The following PTPRT variants were observed in gnomAD, a reference collection of about 807,000 sequenced individuals.
PTPRT encodes the protein receptor-type tyrosine-protein phosphatase T.
Under a neutral mutation model 176.8 loss-of-function variants are expected in PTPRT, and 56 were observed. The observed-to-expected ratio is 0.32, with a 90% confidence interval of 0.26 to 0.40. The LOEUF (loss-of-function observed/expected upper bound fraction) is 0.40, where lower values mean the gene tolerates loss of function less well. Among genes scored for constraint, PTPRT ranks in the 10% least tolerant of loss-of-function variants. The pLI, the probability that PTPRT is intolerant of heterozygous loss-of-function variation, is 1.00. For missense variants in PTPRT, 1,540 were observed against 1,908.2 expected (o/e 0.81, Z 3.60); for synonymous variants, 783 against 739.0 (o/e 1.06, Z -0.96).
intron 1 of PTPRT, among the ~76,000 whole-genome samples, chr20:42,961,717 T>C (rs1031444175): frequency 6.6e-6 from 1 of 152,102 alleles, no homozygotes; most frequent in Non-Finnish European, 1.5e-5. Flanking sequence ...TAAAAATAAG[T>C]GTCCACATTC....
intron 2 of PTPRT, among the ~76,000 whole-genome samples, chr20:42,809,019 G>A (rs1400368847): frequency 6.6e-6 from 1 of 152,184 alleles, no homozygotes; most frequent in Non-Finnish European, 1.5e-5. Flanking sequence ...GGGAAACGTG[G>A]CTTCTGGGCT....
At chr20:42,600,860 C>T (rs6102928) in intron 7 of PTPRT, among the ~76,000 whole-genome samples, 38,019 of 152,084 alleles carry the variant, frequency 0.25, 5,135 homozygotes, top group Non-Finnish European at 0.3. Flanking sequence ...CCTCTGTTAA[C>T]GGACACTAAG....
chr20:42,452,944 T>C (rs531867634), intron 8 of PTPRT, among the ~76,000 whole-genome samples: 1 of 152,334 alleles, frequency 6.6e-6, no homozygotes, highest in South Asian at 2.1e-4. Flanking sequence ...AGTCAAAACT[T>C]GCCCCAGTGA....
chr20:42,371,013 T>C (rs2058579762), intron 9 of PTPRT, among the ~76,000 whole-genome samples: 1 of 152,206 alleles, frequency 6.6e-6, no homozygotes, highest in Admixed American at 6.5e-5. Flanking sequence ...CTGAGCTCTA[T>C]TGTTATTTAC....
At chr20:42,336,432 AG>A (rs943097172) in intron 11 of PTPRT, among the ~76,000 whole-genome samples, 5 of 151,728 alleles carry the variant, frequency 3.3e-5, no homozygotes, top group African/African-American at 4.8e-5. Flanking sequence ...GGACTGGGGG[AG>A]GGGGGGTTGT....
chr20:42,415,623 A>G (rs1225967666), intron 9 of PTPRT, among the ~76,000 whole-genome samples: 1 of 152,208 alleles, frequency 6.6e-6, no homozygotes, highest in Admixed American at 6.5e-5. Flanking sequence ...ACATGAAATA[A>G]TCTATAAAAA....
chr20:43,134,956 A>G (rs1016454509), intron 1 of PTPRT, among the ~76,000 whole-genome samples: 3 of 152,072 alleles, frequency 2.0e-5, no homozygotes, highest in African/African-American at 7.2e-5. Context: ...CCTGGCCTCA[A>G]CCTGTTCACG....
intron 13 of PTPRT, among the ~76,000 whole-genome samples, chr20:42,276,556 T>A (rs1362979933): frequency 7.0e-5 from 6 of 86,292 alleles, no homozygotes; most frequent in East Asian, 3.6e-4. Flanking sequence ...TATATATATA[T>A]ATAATGTTCT....
rs528771642 is a variant in PTPRT, at chr20:42,185,086, A to T, written c.2491+14154T>A. 2.6e-5 allele frequency among the ~76,000 whole-genome samples: 4 copies of T among 152,178 alleles called. No homozygotes were observed. The South Asian group carries it at 8.3e-4, about 32-fold the overall frequency. Reference sequence around the variant, plus strand: ...TCACAGTTTTTACTTCGGAGTTTCAATAACTAGAGAAACATCTTGGCTGCC... The same window carrying T: ...TCACAGTTTTTACTTCGGAGTTTCATTAACTAGAGAAACATCTTGGCTGCC... On this transcript the variant is annotated intron_variant, in intron 16 of 30. Transcript: ENST00000373187.
intron 1 of PTPRT, among the ~76,000 whole-genome samples, chr20:43,150,480 T>G (rs184159441): frequency 7.2e-5 from 11 of 152,016 alleles, no homozygotes; most frequent in Middle Eastern, 6.8e-3. Context: ...TTTTGGAGAT[T>G]GAGTCTCGCT....
intron 8 of PTPRT, among the ~76,000 whole-genome samples, chr20:42,451,062 AG>A (rs1450042792): frequency 6.6e-6 from 1 of 152,112 alleles, no homozygotes; most frequent in Non-Finnish European, 1.5e-5. Flanking sequence ...CAGCTTTGTG[AG>A]GTTGAGGGTG....
At chr20:42,644,165 G>T (rs1215790276) in intron 7 of PTPRT, among the ~76,000 whole-genome samples, 1 of 152,054 alleles carries the variant, frequency 6.6e-6, no homozygotes, top group East Asian at 1.9e-4. Flanking sequence ...GGCTGTGCAG[G>T]TTTACAGCCC....
chr20:42,328,744 G>A lies in PTPRT; in HGVS notation c.1866-12748C>T, dbSNP rs560039155. On this transcript the variant is annotated intron_variant, in intron 11 of 30. Coordinates refer to ENST00000373187, the MANE Select transcript of PTPRT (RefSeq NM_007050.6). ...GTCTAGTGTTTGAGGTTGGAATTTAGACAAAAAGTTCAGCTATTAATATTA... is the reference window on the plus strand; with the variant it reads ...GTCTAGTGTTTGAGGTTGGAATTTAAACAAAAAGTTCAGCTATTAATATTA... 4.1e-5 allele frequency among the ~76,000 whole-genome samples: 6 copies of A among 145,494 alleles called. No homozygotes were observed. The East Asian group carries it at 5.9e-4, about 14-fold the overall frequency.
chr20:42,388,291 A>C (rs563390254), intron 9 of PTPRT, among the ~76,000 whole-genome samples: 3 of 152,246 alleles, frequency 2.0e-5, no homozygotes, highest in Non-Finnish European at 4.4e-5. Context: ...TAATTAAACT[A>C]AAGAGCTTCT....
At chr20:42,880,932 G>A (rs2079002643) in intron 2 of PTPRT, among the ~76,000 whole-genome samples, 1 of 152,202 alleles carries the variant, frequency 6.6e-6, no homozygotes, top group South Asian at 2.1e-4. Flanking sequence ...ACAGAGGTGG[G>A]GTGGAGGAAA....
chr20:42,581,639 A>C (rs1242277669), intron 7 of PTPRT, among the ~76,000 whole-genome samples: 1 of 152,226 alleles, frequency 6.6e-6, no homozygotes, highest in Non-Finnish European at 1.5e-5. Flanking sequence ...GAAGGAGCTG[A>C]ATGTGTAATT....
chr20:42,829,097 A>T (rs533957779), intron 2 of PTPRT, among the ~76,000 whole-genome samples: 10 of 152,334 alleles, frequency 6.6e-5, no homozygotes, highest in Admixed American at 5.9e-4. Flanking sequence ...ATAGGGACCA[A>T]GCTGCCCAAG....
intron 1 of PTPRT, among the ~76,000 whole-genome samples, chr20:42,990,910 G>A (rs757769963): frequency 6.6e-6 from 1 of 152,126 alleles, no homozygotes; most frequent in Non-Finnish European, 1.5e-5. Context: ...ATGTGAAGTG[G>A]ACAGTATTGA....
At chr20:42,060,385 A>C in the PTPRT span, among the ~76,000 whole-genome samples, 1 of 152,274 alleles carries the variant, frequency 6.6e-6, no homozygotes, top group Admixed American at 6.5e-5. Flanking sequence ...GGAAAGGATT[A>C]ATGCTTGCCT....
Sources: allele counts gnomAD v4.1 joint callset (sites outside exome capture counted in the v4.1 genomes callset), GRCh38; gene constraint gnomAD v4.1.1; transcripts MANE v1.5; gene names NCBI Gene and HGNC (gene_info 2026-07-23, HGNC 2026-07-21).